CDC42BPG: variants seen among roughly 807,000 people sequenced by gnomAD.
CDC42BPG encodes serine/threonine-protein kinase MRCK gamma.
A neutral mutation model predicts 192.2 loss-of-function variants in CDC42BPG; 157 were observed. The observed-to-expected ratio is 0.82, with a 90% CI of 0.72 to 0.93. The LOEUF (loss-of-function observed/expected upper bound fraction) is 0.93, where lower values mean the gene tolerates loss of function less well. CDC42BPG is among the 40% of genes least tolerant of loss of function. The pLI, the probability that CDC42BPG is intolerant of heterozygous loss-of-function variation, is 0.00. For synonymous variants in CDC42BPG, 981 were observed against 918.5 expected (o/e 1.07, Z -1.23); for missense variants, 1,992 against 2,122.1 (o/e 0.94, Z 1.20).
chr11:64,840,463 G>T, intron 4 of CDC42BPG, 90 bp downstream of exon 4: 1 of 1,438,320 alleles, frequency 7.0e-7, no homozygotes, highest in Non-Finnish European at 9.7e-7. Context: ...TCCCAAGAGG[G>T]GTCTCTCTTT....
chr11:64,826,839 G>A (rs751855035), intron 34 of CDC42BPG, 45 bp from the exon 35 acceptor site: 21 of 1,466,222 alleles, frequency 1.4e-5, no homozygotes, highest in South Asian at 1.1e-4. Flanking sequence ...CAGGCACAAG[G>A]AGGACAAGAG....
At chr11:64,836,716 G>GGGGGT in intron 11 of CDC42BPG, 23 bp downstream of exon 11, 3 of 869,298 alleles carry the variant, frequency 3.5e-6, no homozygotes, top group Non-Finnish European at 5.0e-6. Context: ...TGGGGGGGGG[G>GGGGGT]GGGGGGTGGG....
At chr11:64,840,726 A>G in intron 3 of CDC42BPG, 78 bp from the exon 4 acceptor site, 1 of 1,289,644 alleles carries the variant, frequency 7.8e-7, no homozygotes, top group Admixed American at 1.7e-5. Flanking sequence ...CAGGGGATGG[A>G]GAAAGATTCT....
Position 64,827,077 on chromosome 11 carries a change from C to A in CDC42BPG, c.4362G>T (p.Gly1454=). 1 of 1,613,334 alleles carries A rather than the reference C, an allele frequency of 6.2e-7. No homozygotes were observed. Among genetic ancestry groups the A allele is most frequent in the Non-Finnish European group, 8.5e-7 (1 of 1,179,306 alleles). The change falls in exon 34 of 37, where the codon GGG becomes GGT. Residue 1454 remains glycine (G), a synonymous_variant. Transcript: ENST00000342711. ...GGGACTTGTCCCTGGCGCCGGGCCG[C>A]CCGTTGGCAGGGCCCACGTGTACTA... The part of the protein sequence containing the change: ...NHLVHVGPAN[G]RPGARDKSPA...
chr11:64,834,236 C>T, intron 20 of CDC42BPG, 30 bp downstream of exon 20: 1 of 1,542,232 alleles, frequency 6.5e-7, no homozygotes, highest in South Asian at 1.2e-5. Context: ...GGGAGCCTGG[C>T]TCCGGGGCAA....
chr11:64,843,811 G>A (rs1943385110), intron 1 of CDC42BPG, among the ~76,000 whole-genome samples: 1 of 152,258 alleles, frequency 6.6e-6, no homozygotes, highest in South Asian at 2.1e-4. Flanking sequence ...CACAGGCCAA[G>A]GGTTGGAGAT....
chr11:64,844,534 C>T lies in CDC42BPG; in HGVS notation c.36G>A (p.Ala12=), dbSNP rs752730113. The T allele has an allele frequency of 1.5e-6, 2 of 1,302,608 alleles. No homozygotes were observed. The highest frequency in any genetic ancestry group is 4.3e-5 in the South Asian group (2 of 46,088). The allele number at this position is 1,302,608 out of a possible 1,614,324, so 80.7% of individuals were successfully genotyped here. The change falls in exon 1 of 37, where the codon GCG becomes GCA. Residue 12 remains alanine (A), a synonymous_variant. Transcript: ENST00000342711. The part of the protein sequence containing the change: ...ERRLRALEQL[A]RGEAGGCPGL... The stretch of plus-strand genomic sequence containing the variant: ...CCGGGCAGCCGCCGGCCTCGCCCCG[C>T]GCCAGCTGCTCCAGCGCGCGCAGCC...
Position 64,827,141 on chromosome 11 carries a change from C to A in CDC42BPG, c.4298G>T (p.Arg1433Leu), listed in dbSNP as rs368803975. The change falls in exon 34 of 37, where the codon CGC becomes CTC. Residue 1433 changes from arginine to leucine, a missense_variant. Physicochemically the swap from Arg to Leu is moderately radical, Grantham distance 102. Around this residue, in one of 2 missense-constraint regions of CDC42BPG, gnomAD observed 336 missense variants for 277.9 expected, o/e 1.21. Coordinates refer to ENST00000342711, the MANE Select transcript of CDC42BPG (RefSeq NM_017525.3). Reference sequence around the variant, plus strand: ...GGTAGGCGGCGAGATGAGCTTGGAGCGCACAAAAGGGTCCTTCAGCATCTC... The same window carrying A: ...GGTAGGCGGCGAGATGAGCTTGGAGAGCACAAAAGGGTCCTTCAGCATCTC... ...RREMLKDPFV[R>L]SKLISPPTNF... The A allele has an allele frequency of 1.9e-6, 3 of 1,613,928 alleles. No homozygotes were observed. In the African/African-American group the frequency reaches 4.0e-5, roughly 22 times the overall value.
intron 10 of CDC42BPG, 33 bp from the exon 11 acceptor site, chr11:64,836,852 A>C (rs371037844): frequency 6.2e-7 from 1 of 1,607,764 alleles, no homozygotes; most frequent in African/African-American, 1.3e-5. Flanking sequence ...AGGTGAGTCC[A>C]CTCCTCCATT....
Position 64,824,407 on chromosome 11 carries a change from T to G in CDC42BPG, c.*66A>C, listed in dbSNP as rs1942342104. The G allele has an allele frequency of 1.8e-5, 20 of 1,106,106 alleles. No individual in the cohort carries two copies. The highest frequency in any genetic ancestry group is 2.8e-5 in the Non-Finnish European group (20 of 714,506). The allele number at this position is 1,106,106 out of a possible 1,614,324, so 68.5% of individuals were successfully genotyped here. On this transcript the variant is annotated 3_prime_UTR_variant, in exon 37 of 37. Transcript: ENST00000342711. ...TCCCGGACCAGCCGGAGTATGGCAT[T>G]CCTCAAGCTCTTTGCTCCCTCATGT...
intron 14 of CDC42BPG, 50 bp downstream of exon 14, chr11:64,835,712 G>C: frequency 6.2e-7 from 1 of 1,609,564 alleles, no homozygotes; most frequent in South Asian, 1.1e-5. Context: ...CTCTGAGTGG[G>C]GTCAGGCTGG....
At chr11:64,829,084 A>G (rs1468398206) in intron 30 of CDC42BPG, among the ~76,000 whole-genome samples, 1 of 152,018 alleles carries the variant, frequency 6.6e-6, no homozygotes, top group African/African-American at 2.4e-5. Context: ...GCCAGGCGTG[A>G]TGGCACACAC....
At chr11:64,830,987 G>A (rs1942657727) in intron 28 of CDC42BPG, among the ~76,000 whole-genome samples, 1 of 152,222 alleles carries the variant, frequency 6.6e-6, no homozygotes, top group African/African-American at 2.4e-5. Context: ...GGAGGCCAAG[G>A]TGGGTGGATC....
Position 64,836,502 on chromosome 11 carries a change from G to A in CDC42BPG, c.1413C>T (p.Ser471=). ...PEMLRDKASL[S]QTDGPPAGSP... ...TACCAGCTGGGGGCCCATCCGTCTG[G>A]GACAATGAGGCCTTGTCCCTCAGCA... The change falls in exon 12 of 37, where the codon TCC becomes TCT. Residue 471 remains serine, a synonymous_variant. Coordinates refer to ENST00000342711, the MANE Select transcript of CDC42BPG (RefSeq NM_017525.3). 1 of 1,613,434 alleles carries A rather than the reference G, an allele frequency of 6.2e-7. No individual in the cohort carries two copies. The highest frequency in any genetic ancestry group is 8.5e-7 in the Non-Finnish European group (1 of 1,179,966).
At chr11:64,840,504 C>T (rs772837230) in intron 4 of CDC42BPG, 49 bp downstream of exon 4, 1 of 1,580,752 alleles carries the variant, frequency 6.3e-7, no homozygotes, top group Admixed American at 1.7e-5. Context: ...CAAGGGCCCT[C>T]TCCTGTGTCC....
At position 64,840,279 on chromosome 11, in the gene CDC42BPG, C is replaced by T. The variant is rs1332090725; in HGVS notation, c.433-11G>A. 7.5e-6 allele frequency: 12 copies of T among 1,607,566 alleles called. No individual in the cohort carries two copies. The highest frequency in any genetic ancestry group is 3.3e-5 in the Admixed American group (2 of 59,966). ...GTCCATCACAAGGTACTGGAGGTGGCGGACAAGAATCAGACCCGGGGGAAG... is the reference window on the plus strand; with the variant it reads ...GTCCATCACAAGGTACTGGAGGTGGTGGACAAGAATCAGACCCGGGGGAAG... On this transcript the variant is annotated splice_polypyrimidine_tract_variant and intron_variant, in intron 4 of 36. Transcript: ENST00000342711.
In CDC42BPG at chr11:64,836,800, T is replaced by C. The variant is rs1477814763; in HGVS notation, c.1323A>G (p.Thr441=). ...RKHQEALHAP[T]DHRELEQLRK... ...GTAGCTGCTCCAGCTCCCGATGGTC[T>C]GTGGGGGCGTGCAGGGCCTCTGGAG... The change falls in exon 11 of 37, where the codon ACA becomes ACG. Residue 441 remains threonine, a synonymous_variant. Transcript: ENST00000342711. 4.4e-6 allele frequency: 7 copies of C among 1,591,498 alleles called. No homozygotes were observed. In the East Asian group the frequency reaches 9.1e-5, roughly 21 times the overall value.
At chr11:64,837,481 G>A (rs1204678679) in intron 9 of CDC42BPG, among the ~76,000 whole-genome samples, 1 of 152,114 alleles carries the variant, frequency 6.6e-6, no homozygotes, top group African/African-American at 2.4e-5. Context: ...CACCCATTTT[G>A]AGACAGAGTC....
rs143818428 is a variant in CDC42BPG at position 64,836,090 on chromosome 11, C to A, written c.1668+27G>T. ...GCACACTGGGGGCAGGGCCCAGGTG[C>A]TGTCCCTACCCACCCTGGTCACTCA... On this transcript the variant is annotated intron_variant, in intron 13 of 36. Transcript: ENST00000342711. 2.5e-4 allele frequency: 395 copies of A among 1,574,322 alleles called. No homozygotes were observed. In the African/African-American group the frequency reaches 4.4e-3, roughly 17 times the overall value.
Sources: gnomAD v4.1 joint callset for allele counts (sites outside exome capture counted in the v4.1 genomes callset) on GRCh38, gnomAD v4.1.1 for gene constraint, gnomAD v4.1.1 regional missense constraint, MANE v1.5 for transcripts, NCBI Gene and HGNC (gene_info 2026-07-23, HGNC 2026-07-21) for gene names.